The following PRAG1 variants were observed in gnomAD, a reference collection of about 807,000 sequenced individuals.
The protein encoded by PRAG1 is PEAK1 related, kinase-activating pseudokinase 1.
A neutral mutation model predicts 95.6 loss-of-function variants in PRAG1; 110 were observed. The ratio of observed to expected loss-of-function variants is 1.15; its 90% CI spans 0.99 to 1.35. PRAG1 has a LOEUF of 1.35. PRAG1 is among the 40% of genes most tolerant of loss of function. PRAG1 has a pLI of 0.00. For missense variants in PRAG1, 2,554 were observed against 1,864.7 expected (o/e 1.37, Z -6.81); for synonymous variants, 1,052 against 819.4 (o/e 1.28, Z -4.85).
chr8:8,365,421 C>G (rs374749164), intron 3 of PRAG1, among the ~76,000 whole-genome samples: 1 of 145,672 alleles, frequency 6.9e-6, no homozygotes, highest in Non-Finnish European at 1.5e-5. Flanking sequence ...GTCAGGAGTT[C>G]GAGACCACCT....
At chr8:8,344,395 C>T (rs1799267349) in intron 3 of PRAG1, among the ~76,000 whole-genome samples, 1 of 152,090 alleles carries the variant, frequency 6.6e-6, no homozygotes, top group Non-Finnish European at 1.5e-5. Context: ...AATGTGATGC[C>T]ATTTGTATAG....
chr8:8,328,503 C>A (rs749602747), intron 4 of PRAG1, 42 bp from the exon 5 acceptor site: 2 of 1,597,776 alleles, frequency 1.3e-6, no homozygotes, highest in Non-Finnish European at 1.7e-6. Flanking sequence ...AGGCCAGTGC[C>A]ACTCAATTCC....
intron 3 of PRAG1, among the ~76,000 whole-genome samples, chr8:8,340,202 A>G (rs879697137): frequency 5.3e-5 from 8 of 152,230 alleles, no homozygotes; most frequent in Admixed American, 1.3e-4. Flanking sequence ...TTAGATAGAA[A>G]CAAATTGACA....
intron 3 of PRAG1, among the ~76,000 whole-genome samples, chr8:8,344,152 G>C (rs952368499): frequency 2.6e-5 from 4 of 152,160 alleles, no homozygotes; most frequent in African/African-American, 9.6e-5. Flanking sequence ...GTGCAGTACA[G>C]AGCTGGAGAA....
Position 8,376,659 on chromosome 8 carries a change from C to T in PRAG1, c.1750G>A (p.Gly584Arg). The change falls in exon 3 of 6, where the codon GGG (glycine) becomes AGG (arginine). Residue 584 changes from glycine (G) to arginine (R), a missense_variant. Physicochemically the swap from Gly to Arg is moderately radical, Grantham distance 125 (BLOSUM62 -2). Coordinates refer to ENST00000615670, the MANE Select transcript of PRAG1 (RefSeq NM_001080826.3). ...GGACCTTGGGATGGAGGCTGGGGCC[C>T]AATGCTGCTGCCGCCAGAGCTCCCA... ...SDGSSGGSSI[G>R]PQPPSQGPAD... The T allele has an allele frequency of 6.2e-7, 1 of 1,610,256 alleles. No individual in the cohort carries two copies. Among genetic ancestry groups the T allele is most frequent in the East Asian group, 2.2e-5 (1 of 44,874 alleles).
At position 8,339,755 on chromosome 8, in the gene PRAG1, A is replaced by G. The variant is rs914549811; in HGVS notation, c.2163-120T>C. The stretch of plus-strand genomic sequence containing the variant: ...CTGGCCAATGTCAGCAAGTTTATTA[A>G]AAGAAAAAAAAAAGATTTTGGGGAG... On this transcript the variant is annotated intron_variant, in intron 3 of 5. Coordinates refer to ENST00000615670, the MANE Select transcript of PRAG1 (RefSeq NM_001080826.3). The G allele has an allele frequency of 6.0e-5, 58 of 967,412 alleles. No individual in the cohort carries two copies. In the African/African-American group the frequency reaches 9.8e-4, roughly 16 times the overall value. The allele number at this position is 967,412 out of a possible 1,614,324, so 59.9% of individuals were successfully genotyped here. A position where few individuals can be genotyped will look rare whatever the true frequency, so the allele number is the denominator to read the frequency against.
At chr8:8,345,450 T>C (rs919598739) in intron 3 of PRAG1, among the ~76,000 whole-genome samples, 1 of 151,542 alleles carries the variant, frequency 6.6e-6, no homozygotes, top group Admixed American at 6.6e-5. Context: ...TAAATGGGGA[T>C]ATAACAGGTC....
chr8:8,360,524 T>C (rs1396693657), intron 3 of PRAG1, among the ~76,000 whole-genome samples: 2 of 152,228 alleles, frequency 1.3e-5, no homozygotes, highest in East Asian at 1.9e-4. Context: ...TTTCTGCCTT[T>C]GTCTTTCCTC....
intron 3 of PRAG1, among the ~76,000 whole-genome samples, chr8:8,363,323 G>A (rs1449829373): frequency 2.0e-5 from 3 of 152,084 alleles, no homozygotes; most frequent in Non-Finnish European, 4.4e-5. Flanking sequence ...ACTGGAAAAA[G>A]ACCAAATATG....
chr8:8,328,181 G>C lies in PRAG1; in HGVS notation c.2601C>G (p.Ser867Arg), dbSNP rs776481865. 2.5e-6 allele frequency: 4 copies of C among 1,614,116 alleles called. No homozygotes were observed. In the African/African-American group the frequency reaches 4.0e-5, roughly 16 times the overall value. The change falls in exon 5 of 6, where the codon AGC becomes AGG. Residue 867 changes from serine to arginine, a missense_variant. Ser to Arg is a moderately radical substitution (Grantham distance 110, BLOSUM62 -1). Coordinates refer to ENST00000615670, the MANE Select transcript of PRAG1 (RefSeq NM_001080826.3). ...HDESHFSYSL[S>R]PGNRHHPVFS... ...AGACAGGATGGTGGCGGTTCCCGGG[G>C]CTCAACGAATAGCTAAAGTGAGATT...
At chr8:8,374,795 C>T (rs1436382401) in intron 3 of PRAG1, 1 of 668,226 alleles carries the variant, frequency 1.5e-6, no homozygotes, top group Non-Finnish European at 1.9e-6. Context: ...AGAAAAAAAC[C>T]CACGTTAGAT....
Position 8,377,263 on chromosome 8 carries a change from G to A in PRAG1, c.1146C>T (p.Cys382=). Residue 382 remains cysteine, a synonymous_variant, in exon 3 of 6, where the codon TGC becomes TGT. Transcript: ENST00000615670. ...PAPEKQQDPG[C]PGVTPSRCLG... ...GGCATCTGCTAGGGGTCACCCCTGGGCAGCCAGGGTCCTGCTGCTTCTCTG... is the reference window on the plus strand; with the variant it reads ...GGCATCTGCTAGGGGTCACCCCTGGACAGCCAGGGTCCTGCTGCTTCTCTG... 1 of 1,612,848 alleles carries A rather than the reference G, an allele frequency of 6.2e-7. No individual in the cohort carries two copies. Among genetic ancestry groups the A allele is most frequent in the Middle Eastern group, 1.6e-4 (1 of 6,062 alleles).
rs1258326702 is a variant in PRAG1, at chr8:8,381,450, T to A, written c.298A>T (p.Thr100Ser). ...ACTTCGGCACTCAGGTTGGCCTCTG[T>A]CCACACATCAGAGGCCTCGGAGCTC... Reference protein sequence around the residue: ...MMSSEASDVWTEANLSAEVSQ... With the variant: ...MMSSEASDVWSEANLSAEVSQ... The change falls in exon 2 of 6, where the codon ACA becomes TCA. Residue 100 changes from threonine (T) to serine (S), a missense_variant. Physicochemically the swap from Thr to Ser is moderately conservative, Grantham distance 58. Transcript: ENST00000615670. 6.2e-7 allele frequency: 1 copy of A among 1,613,494 alleles called. No homozygotes were observed. The highest frequency in any genetic ancestry group is 8.5e-7 in the Non-Finnish European group (1 of 1,179,494).
rs201814095 is a variant in PRAG1, at chr8:8,377,005, G to A, written c.1404C>T (p.Pro468=). The A allele has an allele frequency of 2.6e-5, 42 of 1,613,748 alleles. No individual in the cohort carries two copies. The highest frequency in any genetic ancestry group is 4.0e-5 in the African/African-American group (3 of 74,946). The change falls in exon 3 of 6, where the codon CCC becomes CCT. Residue 468 remains proline, a synonymous_variant. Transcript: ENST00000615670. The part of the protein sequence containing the change: ...GWGRDSPDPT[P]QVSATITVMA... ...TGACTGTGATGGTGGCTGACACCTG[G>A]GGAGTTGGGTCTGGGCTGTCCCGGC...
In PRAG1 at chr8:8,383,270, A is replaced by C. The variant is rs1379108210; in HGVS notation, c.-87-1436T>G. 6.6e-5 allele frequency among the ~76,000 whole-genome samples: 10 copies of C among 152,252 alleles called. No homozygotes were observed. In the East Asian group the frequency reaches 1.7e-3, roughly 26 times the overall value. ...AGCTACGTGTGCCTCTTTTCCCTCC[A>C]AAGTGAAAAATGGGTTGAGGCCAGG... On this transcript the variant is annotated intron_variant, in intron 1 of 5. Coordinates refer to ENST00000615670, the MANE Select transcript of PRAG1 (RefSeq NM_001080826.3).
rs772381286 is a variant in PRAG1, at chr8:8,318,890, G to A, written c.3485C>T (p.Pro1162Leu). The A allele has an allele frequency of 1.4e-6, 2 of 1,465,526 alleles. No individual in the cohort carries two copies. The highest frequency in any genetic ancestry group is 4.2e-5 in the Admixed American group (2 of 47,206). The allele number at this position is 1,465,526 out of a possible 1,614,324, so 90.8% of individuals were successfully genotyped here. A position where few individuals can be genotyped will look rare whatever the true frequency, so the allele number is the denominator to read the frequency against. The change falls in exon 6 of 6, where the codon CCC becomes CTC. Residue 1162 changes from proline (P) to leucine (L), a missense_variant. By Grantham distance (98) the Pro-to-Leu change is moderately conservative (BLOSUM62 -3). Coordinates refer to ENST00000615670, the MANE Select transcript of PRAG1 (RefSeq NM_001080826.3). The surrounding 1 kb of genome is among the most constrained non-coding windows in gnomAD (Gnocchi z 4.2). Reference sequence around the variant, plus strand: ...CGGGGCGGGGGCGGGGGCGGGCCCGGGGCCGGCCTGGAGGGTGCAGTGCAC... The same window carrying A: ...CGGGGCGGGGGCGGGGGCGGGCCCGAGGCCGGCCTGGAGGGTGCAGTGCAC... ...LLVHCTLQAGPGPAPAPAPAP... is the reference protein window; with the variant it reads ...LLVHCTLQAGLGPAPAPAPAP...
At chr8:8,374,591 C>G in intron 3 of PRAG1, 1 of 921,170 alleles carries the variant, frequency 1.1e-6, no homozygotes, top group African/African-American at 1.8e-5. Flanking sequence ...GTTGTTATGT[C>G]TAATTCTTTT....
intron 3 of PRAG1, among the ~76,000 whole-genome samples, chr8:8,364,539 G>A (rs182405411): frequency 2.6e-5 from 4 of 152,148 alleles, no homozygotes; most frequent in Non-Finnish European, 4.4e-5. Context: ...TTCTTCTAGG[G>A]TCTTAAAAAT....
At chr8:8,347,060 G>C (rs1244539773) in intron 3 of PRAG1, among the ~76,000 whole-genome samples, 1 of 152,222 alleles carries the variant, frequency 6.6e-6, no homozygotes, top group Non-Finnish European at 1.5e-5. Context: ...TTTTTAAACA[G>C]TCTATACATG....
Sources: allele counts gnomAD v4.1 joint callset (sites outside exome capture counted in the v4.1 genomes callset), GRCh38; gene constraint gnomAD v4.1.1; non-coding constraint Gnocchi (gnomAD v3.1); transcripts MANE v1.5; gene names NCBI Gene and HGNC (gene_info 2026-07-23, HGNC 2026-07-21).